Variants in MYO1D observed in about 807,000 individuals in gnomAD.
MYO1D encodes myosin ID.
MYO1D carries 83 observed loss-of-function variants against 122.0 expected under a neutral mutation model. That is an observed-to-expected ratio of 0.68 (90% CI 0.57 to 0.82). The LOEUF (loss-of-function observed/expected upper bound fraction) is 0.82, where lower values mean the gene tolerates loss of function less well. Ranked by LOEUF, MYO1D falls within the 40% of genes least tolerant of loss-of-function variation. The pLI is 0.00. For missense variants in MYO1D, 1,157 were observed against 1,269.5 expected (o/e 0.91, Z 1.35); for synonymous variants, 464 against 446.9 (o/e 1.04, Z -0.48).
chr17:32,515,569 G>A (rs1909862688), intron 21 of MYO1D, among the ~76,000 whole-genome samples: 1 of 152,192 alleles, frequency 6.6e-6, no homozygotes. Flanking sequence ...TGGTATTACA[G>A]GTGTGAGCCA....
intron 7 of MYO1D, 112 bp from the exon 8 acceptor site, chr17:32,765,193 A>G: frequency 2.5e-6 from 2 of 787,928 alleles, no homozygotes; most frequent in Non-Finnish European, 2.0e-6. Flanking sequence ...TCCTAAATAC[A>G]TTATACATCT....
At chr17:32,681,185 C>A (rs28765242) in intron 16 of MYO1D, among the ~76,000 whole-genome samples, 85,810 of 151,036 alleles carry the variant, frequency 0.57, 25,143 homozygotes, top group East Asian at 0.72. Flanking sequence ...AATTTTGTTG[C>A]TCTTTTCAAA....
intron 21 of MYO1D, among the ~76,000 whole-genome samples, chr17:32,604,861 C>A (rs1334782128): frequency 6.6e-6 from 1 of 152,202 alleles, no homozygotes; most frequent in Non-Finnish European, 1.5e-5. Flanking sequence ...AGGGAAATCT[C>A]TCATTGTTGG....
chr17:32,824,806 T>C (rs981850705), intron 1 of MYO1D, among the ~76,000 whole-genome samples: 1 of 152,128 alleles, frequency 6.6e-6, no homozygotes, highest in African/African-American at 2.4e-5. Flanking sequence ...TGTATGGGTA[T>C]GCACAATTTC....
At chr17:32,619,146 A>G (rs1597940054) in intron 20 of MYO1D, among the ~76,000 whole-genome samples, 1 of 152,314 alleles carries the variant, frequency 6.6e-6, no homozygotes, top group Admixed American at 6.5e-5. Flanking sequence ...AGCTCAAGAA[A>G]TCACTTCAAC....
At chr17:32,509,263 G>A (rs1286235977) in intron 21 of MYO1D, among the ~76,000 whole-genome samples, 1 of 152,208 alleles carries the variant, frequency 6.6e-6, no homozygotes, top group African/African-American at 2.4e-5. Flanking sequence ...CTGTTCAAGG[G>A]GTGCCTTTTG....
intron 1 of MYO1D, among the ~76,000 whole-genome samples, chr17:32,832,544 C>T (rs1385652613): frequency 6.6e-6 from 1 of 152,078 alleles, no homozygotes; most frequent in African/African-American, 2.4e-5. Context: ...GCGATCTGCC[C>T]GCCTCGGCCT....
At chr17:32,606,241 C>T (rs1194859870) in intron 20 of MYO1D, among the ~76,000 whole-genome samples, 1 of 152,128 alleles carries the variant, frequency 6.6e-6, no homozygotes, top group Non-Finnish European at 1.5e-5. Flanking sequence ...ATTCTAGTCC[C>T]AGATGATTTC....
At chr17:32,805,046 T>C (rs2090498559) in intron 1 of MYO1D, among the ~76,000 whole-genome samples, 4 of 152,136 alleles carry the variant, frequency 2.6e-5, no homozygotes, top group African/African-American at 9.7e-5. Context: ...TGGGAGGTGA[T>C]TAGATTATAA....
At chr17:32,532,354 C>T (rs568483692) in intron 21 of MYO1D, among the ~76,000 whole-genome samples, 1 of 152,188 alleles carries the variant, frequency 6.6e-6, no homozygotes, top group African/African-American at 2.4e-5. Context: ...TTCTTTGTAG[C>T]AGAATAAACA....
intron 1 of MYO1D, among the ~76,000 whole-genome samples, chr17:32,791,375 A>G (rs2090349287): frequency 6.6e-6 from 1 of 151,752 alleles, no homozygotes; most frequent in Non-Finnish European, 1.5e-5. Flanking sequence ...AAAAAAAAAA[A>G]AAAAAAAAAA....
intron 1 of MYO1D, among the ~76,000 whole-genome samples, chr17:32,840,483 A>G (rs1232240958): frequency 6.6e-6 from 1 of 152,154 alleles, no homozygotes; most frequent in Non-Finnish European, 1.5e-5. Flanking sequence ...GGCAGTATTT[A>G]TATTACCATT....
intron 21 of MYO1D, among the ~76,000 whole-genome samples, chr17:32,581,825 G>C (rs773601575): frequency 2.6e-5 from 4 of 152,038 alleles, no homozygotes; most frequent in Non-Finnish European, 4.4e-5. Flanking sequence ...GAGTGTAGTA[G>C]AGCGATCTCG....
chr17:32,740,034 T>C (rs1370404224), intron 13 of MYO1D, among the ~76,000 whole-genome samples: 2 of 152,238 alleles, frequency 1.3e-5, no homozygotes, highest in African/African-American at 4.8e-5. Flanking sequence ...TAATTTTCCA[T>C]TTGTACACTT....
intron 14 of MYO1D, among the ~76,000 whole-genome samples, chr17:32,737,436 C>CT (rs1424017370): frequency 6.6e-6 from 1 of 151,646 alleles, no homozygotes; most frequent in Non-Finnish European, 1.5e-5. Context: ...TCTTGGCTCA[C>CT]TGCAACCTCT....
At chr17:32,797,492 T>G (rs1223684702) in intron 1 of MYO1D, among the ~76,000 whole-genome samples, 4 of 152,236 alleles carry the variant, frequency 2.6e-5, no homozygotes, top group African/African-American at 9.6e-5. Flanking sequence ...CCCAAAAACA[T>G]GAAGATATTT....
chr17:32,611,774 G>T (rs1182746680), intron 20 of MYO1D, among the ~76,000 whole-genome samples: 1 of 152,250 alleles, frequency 6.6e-6, no homozygotes, highest in African/African-American at 2.4e-5. Flanking sequence ...GGGAGGCAGA[G>T]GTTGCAGTGA....
At chr17:32,586,922 C>T (rs2087391290) in intron 21 of MYO1D, among the ~76,000 whole-genome samples, 1 of 152,172 alleles carries the variant, frequency 6.6e-6, no homozygotes, top group Non-Finnish European at 1.5e-5. Context: ...CAGCAGTCCT[C>T]TTTTCCTAGC....
At chr17:32,744,854 C>A (rs962814844) in intron 13 of MYO1D, among the ~76,000 whole-genome samples, 1 of 152,182 alleles carries the variant, frequency 6.6e-6, no homozygotes, top group Non-Finnish European at 1.5e-5. Flanking sequence ...CAGTGGGAAT[C>A]TGAGTATGCA....
Sources: gnomAD v4.1 joint callset for allele counts (sites outside exome capture counted in the v4.1 genomes callset) on GRCh38, gnomAD v4.1.1 for gene constraint, MANE v1.5 for transcripts, NCBI Gene and HGNC (gene_info 2026-07-23, HGNC 2026-07-21) for gene names.